The following HYCC1 variants were observed in gnomAD, a reference collection of about 807,000 sequenced individuals.
HYCC1 encodes hyccin.
the HYCC1 span, among the ~76,000 whole-genome samples, chr7:22,898,928 A>G: frequency 6.6e-6 from 1 of 152,086 alleles, no homozygotes; most frequent in African/African-American, 2.4e-5. Flanking sequence ...ATCCCTTCCA[A>G]GCACTCCCTT....
At chr7:22,987,406 G>C in the HYCC1 span, among the ~76,000 whole-genome samples, 225 of 152,216 alleles carry the variant, frequency 1.5e-3, no homozygotes, top group Admixed American at 3.8e-3. Flanking sequence ...AAATTAGCTG[G>C]GCATGGTGGT....
chr7:22,909,872 T>G, the HYCC1 span, among the ~76,000 whole-genome samples: 22 of 152,304 alleles, frequency 1.4e-4, no homozygotes, highest in South Asian at 2.5e-3. Context: ...CCCATTATGC[T>G]AGTTCTCTTA....
At chr7:23,012,558 T>G in the HYCC1 span, among the ~76,000 whole-genome samples, 1 of 152,350 alleles carries the variant, frequency 6.6e-6, no homozygotes, top group East Asian at 1.9e-4. Flanking sequence ...ACTGATTATT[T>G]GAATAGCTGA....
chr7:22,983,762 T>C, the HYCC1 span: 5 of 567,378 alleles, frequency 8.8e-6, no homozygotes, highest in Non-Finnish European at 1.3e-5. Context: ...TGTTCAGAGA[T>C]GGCTTCTGGA....
At chr7:22,916,668 C>G in the HYCC1 span, among the ~76,000 whole-genome samples, 2 of 152,276 alleles carry the variant, frequency 1.3e-5, no homozygotes, top group South Asian at 4.1e-4. Flanking sequence ...CCCATATTTC[C>G]TTCTTTCCTG....
chr7:22,937,417 T>C, the HYCC1 span: 1 of 152,196 alleles, frequency 6.6e-6, no homozygotes, highest in Non-Finnish European at 1.5e-5. Context: ...GAGTGAATAA[T>C]AAATGTCAAA....
At chr7:22,910,186 A>T in the HYCC1 span, among the ~76,000 whole-genome samples, 1 of 152,172 alleles carries the variant, frequency 6.6e-6, no homozygotes, top group South Asian at 2.1e-4. Context: ...TCAATGTTGG[A>T]GGTGGCGCAT....
At chr7:22,904,248 A>G in the HYCC1 span, among the ~76,000 whole-genome samples, 5 of 151,902 alleles carry the variant, frequency 3.3e-5, 1 homozygote, top group Admixed American at 1.3e-4. Context: ...TGGCTAACAC[A>G]GTGAAACCCC....
the HYCC1 span, among the ~76,000 whole-genome samples, chr7:23,005,612 C>CT: frequency 6.6e-6 from 1 of 152,146 alleles, no homozygotes; most frequent in Non-Finnish European, 1.5e-5. Context: ...CAATTTATTC[C>CT]TTAACCCCTT....
the HYCC1 span, chr7:22,978,514 T>C: frequency 1.5e-6 from 2 of 1,303,372 alleles, no homozygotes; most frequent in Non-Finnish European, 1.1e-6. Flanking sequence ...CTATATGAAG[T>C]ATAAAAGGTT....
At chr7:22,949,264 G>A in the HYCC1 span, among the ~76,000 whole-genome samples, 4 of 152,146 alleles carry the variant, frequency 2.6e-5, no homozygotes, top group East Asian at 7.7e-4. Context: ...CTCTGAAGTA[G>A]GCAATTTGAT....
chr7:22,925,402 C>T, the HYCC1 span, among the ~76,000 whole-genome samples: 3 of 152,128 alleles, frequency 2.0e-5, no homozygotes, highest in African/African-American at 4.8e-5. Flanking sequence ...GGAGGAAGTT[C>T]GAACCAACGG....
chr7:22,929,149 T>C, the HYCC1 span, among the ~76,000 whole-genome samples: 19 of 152,232 alleles, frequency 1.2e-4, no homozygotes, highest in African/African-American at 4.3e-4. Flanking sequence ...TGTAGAAAGC[T>C]GAAACTGGAC....
At chr7:22,978,327 C>T in the HYCC1 span, 1 of 1,614,082 alleles carries the variant, frequency 6.2e-7, no homozygotes, top group Non-Finnish European at 8.5e-7. Flanking sequence ...CACATTTCTG[C>T]TGGCTGAGAC....
At chr7:22,965,321 G>A in the HYCC1 span, among the ~76,000 whole-genome samples, 6 of 151,424 alleles carry the variant, frequency 4.0e-5, no homozygotes, top group East Asian at 1.9e-4. Context: ...GATTATAACC[G>A]TTAATGTTTA....
At chr7:22,931,662 G>C in the HYCC1 span, among the ~76,000 whole-genome samples, 2 of 151,906 alleles carry the variant, frequency 1.3e-5, no homozygotes, top group African/African-American at 4.8e-5. Flanking sequence ...ATCACTTTAG[G>C]TAACACATAT....
the HYCC1 span, among the ~76,000 whole-genome samples, chr7:22,909,830 T>C: frequency 6.6e-6 from 1 of 152,178 alleles, no homozygotes; most frequent in Admixed American, 6.5e-5. Flanking sequence ...AGATCCTTCT[T>C]TCAGACGAAA....
chr7:22,964,339 A>T, the HYCC1 span: 1 of 845,732 alleles, frequency 1.2e-6, no homozygotes, highest in Non-Finnish European at 2.1e-6. Context: ...ACATTATAAT[A>T]TAGTGACAAT....
At chr7:22,971,457 C>G in the HYCC1 span, among the ~76,000 whole-genome samples, 1 of 151,076 alleles carries the variant, frequency 6.6e-6, no homozygotes, top group Non-Finnish European at 1.5e-5. Flanking sequence ...CCCAGAGTGC[C>G]TGAGCTCAGG....
Sources: gnomAD v4.1 joint callset for allele counts (sites outside exome capture counted in the v4.1 genomes callset) on GRCh38, gnomAD v4.1.1 for gene constraint, MANE v1.5 for transcripts, NCBI Gene and HGNC (gene_info 2026-07-23, HGNC 2026-07-21) for gene names.